Variants in OPRM1 observed in about 807,000 individuals in gnomAD.
OPRM1 encodes the protein opioid receptor mu 1, also known as mu-type opioid receptor.
In OPRM1, 27 loss-of-function variants were observed where a neutral mutation model predicts 31.8. The ratio of observed to expected loss-of-function variants is 0.85; its 90% CI spans 0.63 to 1.17. The LOEUF (loss-of-function observed/expected upper bound fraction) is 1.17, where lower values mean the gene tolerates loss of function less well. Ranked by LOEUF, OPRM1 falls within the 50% of genes most tolerant of loss-of-function variation. The pLI, the probability that OPRM1 is intolerant of heterozygous loss-of-function variation, is 0.00. For synonymous variants in OPRM1, 196 were observed against 189.9 expected, an observed-to-expected ratio of 1.03 and a Z score of -0.26; for missense variants, 536 against 511.1, an observed-to-expected ratio of 1.05 and a Z score of -0.47.
chr6:154,072,878 G>C (rs1033117344), intron 1 of OPRM1, among the ~76,000 whole-genome samples: 1 of 152,096 alleles, frequency 6.6e-6, no homozygotes, highest in Non-Finnish European at 1.5e-5. Context: ...TTGAACCACT[G>C]GTGACCTCTG....
chr6:154,164,697 G>A (rs1799288128), intron 3 of OPRM1, among the ~76,000 whole-genome samples: 1 of 152,194 alleles, frequency 6.6e-6, no homozygotes, highest in Non-Finnish European at 1.5e-5. Context: ...TTCCACCAGA[G>A]TAGCTACGGG....
chr6:154,223,349 G>T, intron 3 of OPRM1: 1 of 866,370 alleles, frequency 1.2e-6, no homozygotes, highest in Non-Finnish European at 1.9e-6. Flanking sequence ...ACATGAGGGA[G>T]AATCAAGAGA....
chr6:154,082,039 G>C (rs1451920149), intron 1 of OPRM1, among the ~76,000 whole-genome samples: 1 of 152,014 alleles, frequency 6.6e-6, no homozygotes, highest in Non-Finnish European at 1.5e-5. Flanking sequence ...AGTCTCATTG[G>C]GATCTTCTCA....
chr6:154,195,147 C>CTTTTTTT (rs10719288), intron 3 of OPRM1, among the ~76,000 whole-genome samples: 1 of 122,896 alleles, frequency 8.1e-6, no homozygotes, highest in Non-Finnish European at 1.7e-5. Context: ...TCTTTTCTTT[C>CTTTTTTT]TTTTTTTTTT....
chr6:154,134,861 G>A (rs1485496229), downstream of OPRM1, among the ~76,000 whole-genome samples: 3 of 151,972 alleles, frequency 2.0e-5, no homozygotes, highest in African/African-American at 4.8e-5. Flanking sequence ...TTTGAGAAGG[G>A]AAAATGAGAA....
chr6:154,013,230 T>C (rs753937580), intron 1 of OPRM1, among the ~76,000 whole-genome samples: 2 of 152,168 alleles, frequency 1.3e-5, no homozygotes, highest in Non-Finnish European at 2.9e-5. Context: ...AAGGATGTGA[T>C]GCATAGAATA....
At chr6:154,231,448 A>C (rs1779710661) in intron 3 of OPRM1, among the ~76,000 whole-genome samples, 1 of 152,240 alleles carries the variant, frequency 6.6e-6, no homozygotes, top group Non-Finnish European at 1.5e-5. Flanking sequence ...TGTACATTGC[A>C]GCATTGTTTG....
At chr6:154,096,303 G>A (rs145393979) in intron 3 of OPRM1, among the ~76,000 whole-genome samples, 9,594 of 152,034 alleles carry the variant, frequency 0.063, 1,044 homozygotes, top group African/African-American at 0.22. Flanking sequence ...CAAGTGATCC[G>A]CCCACCTCAG....
In OPRM1 at chr6:154,130,757, T is replaced by C. The variant is rs1797851378; in HGVS notation, c.*12036T>C. Among the ~76,000 whole-genome samples the C allele has an allele frequency of 6.6e-6, 1 of 151,960 alleles. No individual in the cohort carries two copies. Among genetic ancestry groups the C allele is most frequent in the Non-Finnish European group, 1.5e-5 (1 of 67,978 alleles). ...AAATAGAATATATAAAGGGAATATATATATACCAATATAAATGGGAATTTA... is the reference window on the plus strand; with the variant it reads ...AAATAGAATATATAAAGGGAATATACATATACCAATATAAATGGGAATTTA... On this transcript the variant is annotated 3_prime_UTR_variant, in exon 4 of 4. Transcript: ENST00000330432.
At chr6:154,073,033 C>T (rs1357542668) in intron 1 of OPRM1, among the ~76,000 whole-genome samples, 3 of 152,154 alleles carry the variant, frequency 2.0e-5, no homozygotes, top group African/African-American at 7.2e-5. Context: ...AGTCACTCCT[C>T]CTTTTGAAAG....
intron 3 of OPRM1, among the ~76,000 whole-genome samples, chr6:154,138,080 A>T (rs922055350): frequency 6.6e-6 from 1 of 152,212 alleles, no homozygotes; most frequent in African/African-American, 2.4e-5. Flanking sequence ...AGCATCTACA[A>T]TACTAATTAA....
intron 3 of OPRM1, among the ~76,000 whole-genome samples, chr6:154,232,054 T>C (rs1779765094): frequency 6.6e-6 from 1 of 152,194 alleles, no homozygotes; most frequent in Admixed American, 6.5e-5. Context: ...GGTAGGTTTT[T>C]TTCCTTTCTT....
At chr6:154,133,764 T>C (rs964215953), downstream of OPRM1, among the ~76,000 whole-genome samples, 3 of 152,250 alleles carry the variant, frequency 2.0e-5, no homozygotes, top group Non-Finnish European at 4.4e-5. Flanking sequence ...TTTTAGATAC[T>C]GTGCGTTTGC....
intron 3 of OPRM1, chr6:154,159,890 C>T (rs1277366338): frequency 2.5e-6 from 4 of 1,613,466 alleles, no homozygotes; most frequent in Non-Finnish European, 3.4e-6. Context: ...GGGGTGTCAT[C>T]AGTGTCATCA....
chr6:154,120,182 C>T lies in OPRM1; in HGVS notation c.*1461C>T, dbSNP rs659103. 1 allele frequency among the ~76,000 whole-genome samples: 151,991 copies of T among 152,300 alleles called. 75,842 individuals carry two copies. The highest frequency in any genetic ancestry group is 1 in the Middle Eastern group (294 of 294). On this transcript the variant is annotated 3_prime_UTR_variant, in exon 4 of 4. Coordinates refer to ENST00000330432, the MANE Select transcript of OPRM1 (RefSeq NM_000914.5). Reference sequence around the variant, plus strand: ...CTGCTGACTTCTGAGTATTCCTGAGCCTACAATTGTAAAATTGTAGACTCC... The same window carrying T: ...CTGCTGACTTCTGAGTATTCCTGAGTCTACAATTGTAAAATTGTAGACTCC...
intron 1 of OPRM1, 47 bp downstream of exon 1, chr6:154,039,881 G>T (rs377638490): frequency 2.0e-6 from 3 of 1,504,154 alleles, no homozygotes; most frequent in African/African-American, 2.8e-5. Flanking sequence ...GCGGCTTAAG[G>T]GGGTACAAAG....
rs775097209 is a variant in OPRM1, at chr6:154,039,629, G to T, written c.85G>T (p.Gly29Cys). 2 of 1,613,738 alleles carry T rather than the reference G, an allele frequency of 1.2e-6. No individual in the cohort carries two copies. Among genetic ancestry groups the T allele is most frequent in the South Asian group, 1.1e-5 (1 of 91,066 alleles). The part of the protein sequence containing the change: ...YSSCSPAPSP[G>C]SWVNLSHLDG... Reference sequence around the variant, plus strand: ...AAGTTGCTCCCCAGCACCCAGCCCCGGTTCCTGGGTCAACTTGTCCCACTT... The same window carrying T: ...AAGTTGCTCCCCAGCACCCAGCCCCTGTTCCTGGGTCAACTTGTCCCACTT... Residue 29 changes from glycine (G) to cysteine (C), a missense_variant, in exon 1 of 4, where the codon GGT becomes TGT. Transcript: ENST00000330432.
intron 3 of OPRM1, among the ~76,000 whole-genome samples, chr6:154,176,376 T>C (rs1221504788): frequency 6.6e-6 from 1 of 152,056 alleles, no homozygotes; most frequent in African/African-American, 2.4e-5. Context: ...AAAGAGGAGG[T>C]CAAATTGTCT....
rs1201271804 is a variant in OPRM1 at position 154,122,006 on chromosome 6, T to C, written c.*3285T>C. On this transcript the variant is annotated 3_prime_UTR_variant, in exon 4 of 4. Coordinates refer to ENST00000330432, the MANE Select transcript of OPRM1 (RefSeq NM_000914.5). ...TCTACTGGCAATTACCAAGATAAGATGGCACTAGAAATTTCTCCAGCTTAC... is the reference window on the plus strand; with the variant it reads ...TCTACTGGCAATTACCAAGATAAGACGGCACTAGAAATTTCTCCAGCTTAC... Among the ~76,000 whole-genome samples the C allele has an allele frequency of 1.3e-5, 2 of 152,232 alleles. No homozygotes were observed. The highest frequency in any genetic ancestry group is 4.8e-5 in the African/African-American group (2 of 41,472).
Sources: gnomAD v4.1 joint callset for allele counts (sites outside exome capture counted in the v4.1 genomes callset) on GRCh38, gnomAD v4.1.1 for gene constraint, MANE v1.5 for transcripts, NCBI Gene and HGNC (gene_info 2026-07-23, HGNC 2026-07-21) for gene names.